The following SIPA1L1 variants were observed in gnomAD, a reference collection of about 807,000 sequenced individuals.
The protein encoded by SIPA1L1 is signal-induced proliferation-associated 1-like protein 1.
A neutral mutation model predicts 162.7 loss-of-function variants in SIPA1L1; 26 were observed. That is an observed-to-expected ratio of 0.16 (90% CI 0.12 to 0.22). The LOEUF (loss-of-function observed/expected upper bound fraction) is 0.22. Ranked by LOEUF, SIPA1L1 falls within the 10% of genes least tolerant of loss-of-function variation. The pLI is 1.00. For synonymous variants in SIPA1L1, 829 were observed against 837.4 expected (o/e 0.99, Z 0.17); for missense variants, 1,874 against 2,241.0 (o/e 0.84, Z 3.31).
At chr14:71,685,781 G>T in intron 13 of SIPA1L1, 150 bp downstream of exon 13, 3 of 1,027,814 alleles carry the variant, frequency 2.9e-6, no homozygotes, top group Middle Eastern at 3.2e-4. Flanking sequence ...TCAAAGCATG[G>T]TAGTGTTCCA....
At chr14:71,327,699 A>G (rs990863399) in intron 2 of SIPA1L1, among the ~76,000 whole-genome samples, 4 of 152,178 alleles carry the variant, frequency 2.6e-5, no homozygotes, top group African/African-American at 7.2e-5. Flanking sequence ...ACTTTTAAAG[A>G]CTTTTCAGAA....
At chr14:71,647,591 A>G (rs1172547040) in intron 7 of SIPA1L1, among the ~76,000 whole-genome samples, 1 of 152,100 alleles carries the variant, frequency 6.6e-6, no homozygotes, top group East Asian at 1.9e-4. Context: ...GACAGCATGT[A>G]ACTTAAAGCC....
chr14:71,425,238 T>G (rs1222731803), intron 2 of SIPA1L1, among the ~76,000 whole-genome samples: 1 of 152,096 alleles, frequency 6.6e-6, no homozygotes, highest in East Asian at 1.9e-4. Context: ...TCTCTGTTGT[T>G]TTTCTTTTGT....
chr14:71,345,403 C>T (rs976021638), intron 2 of SIPA1L1, among the ~76,000 whole-genome samples: 2 of 152,068 alleles, frequency 1.3e-5, no homozygotes, highest in Non-Finnish European at 2.9e-5. Flanking sequence ...TAGGATTAAG[C>T]CAAGTTGATA....
At chr14:71,445,082 G>T (rs941625011) in intron 2 of SIPA1L1, among the ~76,000 whole-genome samples, 1 of 152,144 alleles carries the variant, frequency 6.6e-6, no homozygotes, top group African/African-American at 2.4e-5. Flanking sequence ...AAGAAAACAT[G>T]TTCATATGAA....
intron 4 of SIPA1L1, among the ~76,000 whole-genome samples, chr14:71,580,045 G>C (rs2033695904): frequency 6.6e-6 from 1 of 152,210 alleles, no homozygotes; most frequent in Non-Finnish European, 1.5e-5. Context: ...TAGAGATGCA[G>C]ATTCTCTGCT....
intron 4 of SIPA1L1, among the ~76,000 whole-genome samples, chr14:71,570,535 G>T (rs1228793192): frequency 6.6e-6 from 1 of 151,972 alleles, no homozygotes; most frequent in East Asian, 1.9e-4. Context: ...AAAGAGCTGG[G>T]ATTACAGGTG....
chr14:71,555,611 C>A (rs1188532083), intron 4 of SIPA1L1, among the ~76,000 whole-genome samples: 2 of 152,194 alleles, frequency 1.3e-5, no homozygotes, highest in Non-Finnish European at 2.9e-5. Flanking sequence ...ACTTGGCTAA[C>A]TGGTACAATC....
At chr14:71,529,879 C>G (rs1013611831) in intron 4 of SIPA1L1, among the ~76,000 whole-genome samples, 1 of 152,182 alleles carries the variant, frequency 6.6e-6, no homozygotes, top group Admixed American at 6.5e-5. Flanking sequence ...CAGAAGGCTT[C>G]TCATGGTTAG....
At chr14:71,654,824 A>C (rs968514640) in intron 8 of SIPA1L1, among the ~76,000 whole-genome samples, 2 of 152,192 alleles carry the variant, frequency 1.3e-5, no homozygotes, top group South Asian at 2.1e-4. Flanking sequence ...CTCTTCAACC[A>C]GATAAAAAAG....
intron 13 of SIPA1L1, among the ~76,000 whole-genome samples, chr14:71,686,457 T>G (rs996756279): frequency 1.3e-5 from 2 of 152,230 alleles, no homozygotes; most frequent in Non-Finnish European, 2.9e-5. Context: ...CACTATAAAT[T>G]TGGTTACCTC....
At position 71,661,420 on chromosome 14, in the gene SIPA1L1, C is replaced by T. The variant is rs146671503; in HGVS notation, c.2208C>T (p.Phe736=). The change falls in exon 10 of 24, where the codon TTC becomes TTT. Residue 736 remains phenylalanine (F), a synonymous_variant. Transcript: ENST00000381232. Reference sequence around the variant, plus strand: ...TCCGATCCCACTTCCAGCACGTTTTCGTCATCGTCAGGGTGCACAATCCGT... The same window carrying T: ...TCCGATCCCACTTCCAGCACGTTTTTGTCATCGTCAGGGTGCACAATCCGT... ...KNIRSHFQHV[F]VIVRVHNPCS... 4,320 of 1,613,994 alleles carry T rather than the reference C, an allele frequency of 2.7e-3. 6 individuals are homozygous for T. Among genetic ancestry groups the T allele is most frequent in the Non-Finnish European group, 3.4e-3 (3,953 of 1,179,926 alleles).
chr14:71,353,559 CAG>C (rs954154772), intron 2 of SIPA1L1, among the ~76,000 whole-genome samples: 20 of 152,272 alleles, frequency 1.3e-4, no homozygotes, highest in African/African-American at 4.6e-4. Flanking sequence ...TAGGTTTTAA[CAG>C]AGTCGCTAGG....
intron 2 of SIPA1L1, among the ~76,000 whole-genome samples, chr14:71,337,577 T>C (rs892186421): frequency 1.3e-5 from 2 of 152,180 alleles, no homozygotes; most frequent in Admixed American, 6.5e-5. Context: ...ACTTATTCAC[T>C]ATCACAAGAA....
At chr14:71,704,144 C>T (rs546266931) in intron 15 of SIPA1L1, among the ~76,000 whole-genome samples, 2 of 152,128 alleles carry the variant, frequency 1.3e-5, no homozygotes, top group Non-Finnish European at 2.9e-5. Context: ...TTTTTGATAT[C>T]CCAGCATTCC....
At chr14:71,559,323 C>T (rs2056602720) in intron 4 of SIPA1L1, among the ~76,000 whole-genome samples, 1 of 152,148 alleles carries the variant, frequency 6.6e-6, no homozygotes, top group Non-Finnish European at 1.5e-5. Context: ...CCGCCTCGGC[C>T]TCCCAAAGTG....
chr14:71,460,107 G>A (rs2046482472), intron 2 of SIPA1L1, among the ~76,000 whole-genome samples: 1 of 152,170 alleles, frequency 6.6e-6, no homozygotes, highest in Non-Finnish European at 1.5e-5. Context: ...TTTCTTAGTA[G>A]AAGTGTATAC....
chr14:71,332,458 T>G (rs2108706), intron 2 of SIPA1L1, among the ~76,000 whole-genome samples: 36,959 of 151,890 alleles, frequency 0.24, 4,714 homozygotes, highest in Middle Eastern at 0.38. Context: ...TTTATATATA[T>G]AGAGAGAAAT....
chr14:71,400,883 T>C lies in SIPA1L1; in HGVS notation c.-465+79702T>C, dbSNP rs538726208. 102 of 152,034 alleles carry C rather than the reference T, an allele frequency of 6.7e-4. 1 individual carries two copies. The highest frequency in any genetic ancestry group is 2.4e-3 in the African/African-American group (99 of 41,324). 9.4% of individuals were successfully genotyped at this position (152,034 alleles called of 1,614,324 possible). Reference sequence around the variant, plus strand: ...TTGGAGTGCATATCACTTGATGGCTTCTAAGACAAATGCTAAATTCTTGTC... The same window carrying C: ...TTGGAGTGCATATCACTTGATGGCTCCTAAGACAAATGCTAAATTCTTGTC... On this transcript the variant is annotated intron_variant, in intron 2 of 23. Transcript: ENST00000381232.
Sources: allele counts gnomAD v4.1 joint callset (sites outside exome capture counted in the v4.1 genomes callset), GRCh38; gene constraint gnomAD v4.1.1; transcripts MANE v1.5; gene names NCBI Gene and HGNC (gene_info 2026-07-23, HGNC 2026-07-21).